SLC30A8: variants seen among roughly 807,000 people sequenced by gnomAD.
SLC30A8 encodes the protein proton-coupled zinc antiporter SLC30A8.
A neutral mutation model predicts 36.9 loss-of-function variants in SLC30A8; 27 were observed. The observed-to-expected ratio is 0.73, with a 90% confidence interval of 0.54 to 1.01. SLC30A8 has a LOEUF of 1.01. Ranked by LOEUF, SLC30A8 falls within the 50% of genes least tolerant of loss-of-function variation. The pLI is 0.00. For synonymous variants in SLC30A8, 164 were observed against 172.4 expected, an observed-to-expected ratio of 0.95 and a Z score of 0.38; for missense variants, 439 against 452.0, an observed-to-expected ratio of 0.97 and a Z score of 0.26.
intron 2 of SLC30A8, among the ~76,000 whole-genome samples, chr8:117,112,035 T>C (rs1820248710): frequency 6.6e-6 from 1 of 152,164 alleles, no homozygotes; most frequent in Non-Finnish European, 1.5e-5. Context: ...GCATCTGGGC[T>C]ATGCGTCCCT....
upstream of SLC30A8, among the ~76,000 whole-genome samples, chr8:117,134,415 T>C (rs1821267559): frequency 6.6e-6 from 1 of 152,028 alleles, no homozygotes; most frequent in Admixed American, 6.6e-5. Flanking sequence ...CATAAGGCTA[T>C]AGTTCTTTCT....
chr8:116,998,548 C>T (rs1815897279), intron 1 of SLC30A8, among the ~76,000 whole-genome samples: 1 of 152,066 alleles, frequency 6.6e-6, no homozygotes, highest in Admixed American at 6.5e-5. Flanking sequence ...GAGCGTCCCC[C>T]AAAATTCATG....
chr8:117,111,585 A>C (rs1820229394), intron 2 of SLC30A8, among the ~76,000 whole-genome samples: 1 of 152,150 alleles, frequency 6.6e-6, no homozygotes, highest in South Asian at 2.1e-4. Context: ...AGCTTTGGAC[A>C]TGTGGACTAA....
intron 1 of SLC30A8, among the ~76,000 whole-genome samples, chr8:117,037,264 A>G (rs1433980527): frequency 6.6e-6 from 1 of 152,204 alleles, no homozygotes; most frequent in African/African-American, 2.4e-5. Context: ...CCTAAATCCT[A>G]GATCTACATT....
At chr8:117,083,220 CT>C (rs2130814483) in intron 2 of SLC30A8, among the ~76,000 whole-genome samples, 1 of 152,306 alleles carries the variant, frequency 6.6e-6, no homozygotes, top group South Asian at 2.1e-4. Context: ...AGTGCACGCA[CT>C]TTCCCCCTTG....
intron 1 of SLC30A8, among the ~76,000 whole-genome samples, chr8:117,034,943 AACTC>A (rs1206095967): frequency 9.2e-5 from 14 of 152,054 alleles, no homozygotes; most frequent in Admixed American, 7.2e-4. Flanking sequence ...ATCTCATGAG[AACTC>A]ACTCACTAAC....
intron 2 of SLC30A8, among the ~76,000 whole-genome samples, chr8:117,086,529 C>T (rs945361782): frequency 6.6e-6 from 1 of 152,180 alleles, no homozygotes; most frequent in African/African-American, 2.4e-5. Flanking sequence ...CTGGCTCAAA[C>T]ATCTGTGAAT....
intron 1 of SLC30A8, among the ~76,000 whole-genome samples, chr8:117,022,919 C>T (rs1448965903): frequency 6.6e-6 from 1 of 152,172 alleles, no homozygotes; most frequent in African/African-American, 2.4e-5. Flanking sequence ...GCAAAAGAGA[C>T]TACCATCAGA....
chr8:117,167,433 C>T (rs944595203), intron 6 of SLC30A8, among the ~76,000 whole-genome samples: 1 of 150,970 alleles, frequency 6.6e-6, no homozygotes, highest in Non-Finnish European at 1.5e-5. Flanking sequence ...GGGATAATAC[C>T]TGTTAATAAG....
chr8:117,023,325 G>A (rs1274835024), intron 1 of SLC30A8, among the ~76,000 whole-genome samples: 1 of 152,088 alleles, frequency 6.6e-6, no homozygotes, highest in Non-Finnish European at 1.5e-5. Flanking sequence ...ATTCCTCAGG[G>A]ATCTAGAACT....
At position 117,088,458 on chromosome 8, in the gene SLC30A8, C is replaced by T. The variant is rs115722445; in HGVS notation, c.-225-46822C>T. Among the ~76,000 whole-genome samples the T allele has an allele frequency of 9.3e-3, 1,417 of 152,186 alleles. 19 individuals are homozygous for T. The highest frequency in any genetic ancestry group is 0.032 in the African/African-American group (1,322 of 41,514). ...CCTTCCAACCATGCACATTAATAACCCAAATACCTGCCGAGAGCTGCTACT... is the reference window on the plus strand; with the variant it reads ...CCTTCCAACCATGCACATTAATAACTCAAATACCTGCCGAGAGCTGCTACT... On this transcript the variant is annotated intron_variant, in intron 2 of 10. Coordinates refer to the SLC30A8 transcript ENST00000427715.
At chr8:116,974,048 T>C (rs1814889152) in intron 1 of SLC30A8, among the ~76,000 whole-genome samples, 1 of 152,180 alleles carries the variant, frequency 6.6e-6, no homozygotes, top group African/African-American at 2.4e-5. Flanking sequence ...TCAAGATGGA[T>C]GAAAGACTTA....
At chr8:116,990,033 T>C (rs1198844434) in intron 1 of SLC30A8, among the ~76,000 whole-genome samples, 2 of 152,206 alleles carry the variant, frequency 1.3e-5, no homozygotes, top group African/African-American at 2.4e-5. Flanking sequence ...TGTGTCATAT[T>C]CCCAGTCATT....
intron 2 of SLC30A8, among the ~76,000 whole-genome samples, chr8:117,097,396 CAAAAAAAAAAA>C (rs1157294543): frequency 4.0e-5 from 1 of 25,046 alleles, no homozygotes; most frequent in African/African-American, 1.1e-4. Context: ...GACTCCATCT[CAAAAAAAAAAA>C]AAAAAAAAAA....
At chr8:117,163,343 G>C in intron 5 of SLC30A8, 82 bp from the exon 6 acceptor site, 1 of 1,030,242 alleles carries the variant, frequency 9.7e-7, no homozygotes. Flanking sequence ...AAGACACAGG[G>C]AGGTTTACTT....
chr8:117,049,279 C>A (rs1817639382), intron 2 of SLC30A8, among the ~76,000 whole-genome samples: 1 of 152,114 alleles, frequency 6.6e-6, no homozygotes, highest in African/African-American at 2.4e-5. Flanking sequence ...TGCCCACATG[C>A]CAACCACTGG....
chr8:117,005,673 C>T (rs1816151000), intron 1 of SLC30A8, among the ~76,000 whole-genome samples: 1 of 152,220 alleles, frequency 6.6e-6, no homozygotes, highest in Non-Finnish European at 1.5e-5. Context: ...GCAGCTATCC[C>T]ATTTTACATT....
At chr8:117,031,854 C>T (rs186707387) in intron 1 of SLC30A8, among the ~76,000 whole-genome samples, 27 of 152,248 alleles carry the variant, frequency 1.8e-4, no homozygotes, top group South Asian at 2.1e-4. Context: ...TGCTGATACC[C>T]GAAGGACTCT....
intron 2 of SLC30A8, among the ~76,000 whole-genome samples, chr8:117,124,336 C>G (rs1219225905): frequency 6.6e-6 from 1 of 151,822 alleles, no homozygotes; most frequent in Non-Finnish European, 1.5e-5. Flanking sequence ...AGCAACAGAT[C>G]TCAGATGCTC....
Sources: allele counts gnomAD v4.1 joint callset (sites outside exome capture counted in the v4.1 genomes callset), GRCh38; gene constraint gnomAD v4.1.1; transcripts MANE v1.5; gene names NCBI Gene and HGNC (gene_info 2026-07-23, HGNC 2026-07-21).